Variants in GPC5 observed in about 807,000 individuals in gnomAD.
The protein encoded by GPC5 is glypican 5, also known as glypican-5.
GPC5 carries 47 observed loss-of-function variants against 53.9 expected under a neutral mutation model. The observed-to-expected ratio is 0.87, with a 90% confidence interval of 0.69 to 1.11. The LOEUF (loss-of-function observed/expected upper bound fraction) is 1.11. Ranked by LOEUF, GPC5 falls within the 50% of genes most tolerant of loss-of-function variation. The pLI is 0.00. For missense variants in GPC5, 748 were observed against 713.1 expected (o/e 1.05, Z -0.56); for synonymous variants, 286 against 263.3 (o/e 1.09, Z -0.84).
intron 7 of GPC5, among the ~76,000 whole-genome samples, chr13:92,437,945 G>A (rs1016005157): frequency 2.6e-5 from 4 of 152,040 alleles, no homozygotes; most frequent in Admixed American, 6.6e-5. Flanking sequence ...GGCCCACATG[G>A]ATAATCTCCC....
rs375367494 is a variant in GPC5 at position 91,536,840 on chromosome 13, G to A, written c.325+87918G>A. Among the ~76,000 whole-genome samples the A allele has an allele frequency of 6.4e-4, 97 of 152,284 alleles. 1 individual carries two copies. The South Asian group carries it at 0.019, about 31-fold the overall frequency. On this transcript the variant is annotated intron_variant, in intron 2 of 7. Coordinates refer to ENST00000377067, the MANE Select transcript of GPC5 (RefSeq NM_004466.6). Reference sequence around the variant, plus strand: ...TACAGAAGACTTAGCAAACTAATATGAAAATCATATGCTCTCTGATCACAA... The same window carrying A: ...TACAGAAGACTTAGCAAACTAATATAAAAATCATATGCTCTCTGATCACAA...
chr13:91,912,281 C>A (rs931068138), intron 6 of GPC5, among the ~76,000 whole-genome samples: 1 of 151,970 alleles, frequency 6.6e-6, no homozygotes, highest in Non-Finnish European at 1.5e-5. Flanking sequence ...ACTCAGGAGA[C>A]GGAGGCTGCA....
At chr13:92,398,290 G>A (rs1172466416) in intron 7 of GPC5, among the ~76,000 whole-genome samples, 6 of 149,402 alleles carry the variant, frequency 4.0e-5, no homozygotes, top group East Asian at 2.0e-4. Context: ...TTAGCCGGGC[G>A]TAGTGGCGGG....
At chr13:92,215,773 G>T (rs1369472168) in intron 7 of GPC5, among the ~76,000 whole-genome samples, 1 of 152,172 alleles carries the variant, frequency 6.6e-6, no homozygotes, top group East Asian at 1.9e-4. Flanking sequence ...TTTAACTCAT[G>T]TAAGGTAAGG....
At chr13:92,858,796 T>C (rs1383455470) in intron 7 of GPC5, among the ~76,000 whole-genome samples, 4 of 152,072 alleles carry the variant, frequency 2.6e-5, no homozygotes, top group African/African-American at 4.8e-5. Context: ...ATGTACCCCA[T>C]GAAACTAAGA....
intron 6 of GPC5, among the ~76,000 whole-genome samples, chr13:91,993,985 C>T (rs1029305275): frequency 1.1e-4 from 16 of 152,186 alleles, no homozygotes; most frequent in African/African-American, 3.9e-4. Flanking sequence ...ACTGCAATGA[C>T]ATAAATCCCA....
Position 92,021,581 on chromosome 13 carries a change from G to A in GPC5, c.1401+113524G>A, listed in dbSNP as rs11842546. 6.2e-3 allele frequency among the ~76,000 whole-genome samples: 945 copies of A among 152,264 alleles called. 16 individuals carry two copies. Among genetic ancestry groups the A allele is most frequent in the African/African-American group, 0.02 (825 of 41,564 alleles). ...TTGCACCTGTGGTCAACAATAATGC[G>A]TTGTCCACTTAAACTTTTGTTAAGA... On this transcript the variant is annotated intron_variant, in intron 6 of 7. Transcript: ENST00000377067.
intron 5 of GPC5, among the ~76,000 whole-genome samples, chr13:91,788,828 G>A (rs1276582190): frequency 6.6e-6 from 1 of 152,130 alleles, no homozygotes. Context: ...ATACATTTGG[G>A]GGGAATAAAA....
chr13:91,650,750 G>GTTTTTTTTTGTTTTTTT (rs2034683070), intron 2 of GPC5, among the ~76,000 whole-genome samples: 1 of 99,642 alleles, frequency 1.0e-5, no homozygotes. Flanking sequence ...ATTCCCATAA[G>GTTTTTTTTTGTTTTTTT]TTTTTTTTTT....
At chr13:92,852,365 G>A (rs942544100) in intron 7 of GPC5, among the ~76,000 whole-genome samples, 35 of 152,070 alleles carry the variant, frequency 2.3e-4, no homozygotes, top group African/African-American at 7.0e-4. Flanking sequence ...GGGGAGAAGC[G>A]GTTTTAACTA....
chr13:92,195,164 C>G (rs7336333), intron 7 of GPC5, among the ~76,000 whole-genome samples: 9,456 of 152,188 alleles, frequency 0.062, 976 homozygotes, highest in African/African-American at 0.21. Context: ...AAGCTCTATG[C>G]ATTTTCTCAT....
At chr13:91,617,102 G>GTTTGTTTGTTTACCAAACAGACA (rs1160952938) in intron 2 of GPC5, among the ~76,000 whole-genome samples, 1 of 152,166 alleles carries the variant, frequency 6.6e-6, no homozygotes, top group Non-Finnish European at 1.5e-5. Flanking sequence ...TTACCAAACA[G>GTTTGTTTGTTTACCAAACAGACA]TTATTGAATG....
rs371120036 is a variant in GPC5 at position 91,551,610 on chromosome 13, G to T, written c.325+102688G>T. On this transcript the variant is annotated intron_variant, in intron 2 of 7. Coordinates refer to ENST00000377067, the MANE Select transcript of GPC5 (RefSeq NM_004466.6). ...GATTAAAGAAAAATGTATTAAAAAT[G>T]TATTGTACAATGGGGATAGCAAATA... 4.6e-5 allele frequency among the ~76,000 whole-genome samples: 7 copies of T among 152,236 alleles called. No homozygotes were observed. The East Asian group carries it at 7.7e-4, about 17-fold the overall frequency.
At chr13:92,856,859 T>C in intron 7 of GPC5, among the ~76,000 whole-genome samples, 1 of 152,048 alleles carries the variant, frequency 6.6e-6, no homozygotes, top group East Asian at 1.9e-4. Context: ...CATTCCACAC[T>C]CATGGATTAG....
chr13:92,478,341 C>T (rs1274110443), intron 7 of GPC5, among the ~76,000 whole-genome samples: 1 of 152,126 alleles, frequency 6.6e-6, no homozygotes, highest in Non-Finnish European at 1.5e-5. Flanking sequence ...GTTGAAGAAA[C>T]TATACTGTTA....
chr13:92,807,487 A>G (rs1877139735), intron 7 of GPC5, among the ~76,000 whole-genome samples: 2 of 152,024 alleles, frequency 1.3e-5, no homozygotes, highest in Non-Finnish European at 2.9e-5. Context: ...GTGTACTCTC[A>G]GTTTGAGGCA....
At chr13:92,286,834 T>C (rs1005759337) in intron 7 of GPC5, among the ~76,000 whole-genome samples, 1 of 152,004 alleles carries the variant, frequency 6.6e-6, no homozygotes, top group Non-Finnish European at 1.5e-5. Flanking sequence ...TGTATACATA[T>C]GTAACAAACC....
At chr13:92,088,168 C>G (rs2138891334) in intron 6 of GPC5, among the ~76,000 whole-genome samples, 1 of 152,236 alleles carries the variant, frequency 6.6e-6, no homozygotes, top group East Asian at 1.9e-4. Context: ...ATGCATCAAC[C>G]CAATGTACAG....
chr13:91,691,989 G>T (rs539330112), intron 2 of GPC5, among the ~76,000 whole-genome samples: 23 of 152,214 alleles, frequency 1.5e-4, no homozygotes, highest in Non-Finnish European at 2.6e-4. Flanking sequence ...ATTATGAAAT[G>T]TAATTACTAA....
Sources: allele counts gnomAD v4.1 joint callset (sites outside exome capture counted in the v4.1 genomes callset), GRCh38; gene constraint gnomAD v4.1.1; transcripts MANE v1.5; gene names NCBI Gene and HGNC (gene_info 2026-07-23, HGNC 2026-07-21).